NDUFB8: variants seen among roughly 807,000 people sequenced by gnomAD.
The protein encoded by NDUFB8 is NADH:ubiquinone oxidoreductase subunit B8.
NDUFB8 carries 17 observed loss-of-function variants against 26.0 expected under a neutral mutation model. The ratio of observed to expected loss-of-function variants is 0.65; its 90% confidence interval spans 0.45 to 0.98. The LOEUF (loss-of-function observed/expected upper bound fraction) is 0.98, where lower values mean the gene tolerates loss of function less well. Ranked by LOEUF, NDUFB8 falls within the 50% of genes least tolerant of loss-of-function variation. The pLI, the probability that NDUFB8 is intolerant of heterozygous loss-of-function variation, is 0.00. For missense variants in NDUFB8, 238 were observed against 255.0 expected, an observed-to-expected ratio of 0.93 and a Z score of 0.45; for synonymous variants, 89 against 93.1, an observed-to-expected ratio of 0.96 and a Z score of 0.25.
In NDUFB8 at chr10:100,529,465, T is replaced by C. The variant is rs1029277811; in HGVS notation, c.127A>G (p.Arg43Gly). The change falls in exon 2 of 5, where the codon AGG (arginine) becomes GGG (glycine). Residue 43 changes from arginine (R) to glycine (G), a missense_variant. By Grantham distance (125) the Arg-to-Gly change is moderately radical. Coordinates refer to ENST00000299166, the MANE Select transcript of NDUFB8 (RefSeq NM_005004.4). ...GCGGCGGCCCGTTCTTCTGGGGTCCTAGGATAGGGCCCCGGGAACATGTCC... is the reference window on the plus strand; with the variant it reads ...GCGGCGGCCCGTTCTTCTGGGGTCCCAGGATAGGGCCCCGGGAACATGTCC... ...TKDMFPGPYPRTPEERAAAAK... is the reference protein window; with the variant it reads ...TKDMFPGPYPGTPEERAAAAK... 4 of 1,613,108 alleles carry C rather than the reference T, an allele frequency of 2.5e-6. No homozygotes were observed. The highest frequency in any genetic ancestry group is 3.4e-6 in the Non-Finnish European group (4 of 1,179,698).
intron 2 of NDUFB8, 103 bp downstream of exon 2, chr10:100,529,277 G>T: frequency 1.8e-6 from 2 of 1,107,144 alleles, no homozygotes; most frequent in Non-Finnish European, 2.3e-6. Flanking sequence ...TGACTCTGAG[G>T]GGTCACGAGA....
intron 2 of NDUFB8, 24 bp from the exon 3 acceptor site, chr10:100,527,098 G>A (rs750057709): frequency 1.3e-6 from 2 of 1,598,934 alleles, no homozygotes; most frequent in African/African-American, 2.7e-5. Flanking sequence ...AGAACTTCTG[G>A]AAAGGGCTGT....
chr10:100,528,818 T>C (rs1032173603), intron 2 of NDUFB8, among the ~76,000 whole-genome samples: 4 of 152,200 alleles, frequency 2.6e-5, no homozygotes, highest in Non-Finnish European at 1.5e-5. Context: ...TGGGATGTTA[T>C]GTGGGTATGG....
At chr10:100,523,984 C>T (rs1417279720) in intron 4 of NDUFB8, 55 bp from the exon 5 acceptor site, 28 of 1,611,676 alleles carry the variant, frequency 1.7e-5, no homozygotes, top group Non-Finnish European at 2.1e-5. Context: ...TACCTGGCTA[C>T]ACCCCACTCT....
In NDUFB8 at chr10:100,524,806, CACTT is replaced by C. The variant is rs1251748168; in HGVS notation, c.469-881_469-878del. Reference sequence around the variant, plus strand: ...CCTAAGAACTCAGCATTCATTATGTCACTTTTCTGTTCGAAAACCCAAAATGGCT... The same window carrying C: ...CCTAAGAACTCAGCATTCATTATGTCTTCTGTTCGAAAACCCAAAATGGCT... On this transcript the variant is annotated intron_variant, in intron 4 of 4. Coordinates refer to ENST00000299166, the MANE Select transcript of NDUFB8 (RefSeq NM_005004.4). The surrounding 1 kb of genome is among the most constrained non-coding windows in gnomAD (Gnocchi z 4.0). Among the ~76,000 whole-genome samples, 1 of 152,216 alleles carries C rather than the reference CACTT, an allele frequency of 6.6e-6. No homozygotes were observed. Among genetic ancestry groups the C allele is most frequent in the Non-Finnish European group, 1.5e-5 (1 of 68,038 alleles).
chr10:100,526,158 A>G, intron 4 of NDUFB8: 1 of 382,372 alleles, frequency 2.6e-6, no homozygotes, highest in Non-Finnish European at 4.6e-6. Flanking sequence ...GTTTCCACAC[A>G]CTCATTGCTC....
chr10:100,529,714 C>G, intron 1 of NDUFB8, 53 bp downstream of exon 1: 1 of 1,585,570 alleles, frequency 6.3e-7, no homozygotes, highest in Non-Finnish European at 8.6e-7. Context: ...TCCCGATACA[C>G]CAAATTTCAG....
At position 100,526,458 on chromosome 10, in the gene NDUFB8, G is replaced by A. The variant is rs777327930; in HGVS notation, c.409C>T (p.Leu137=). 6.2e-7 allele frequency: 1 copy of A among 1,612,480 alleles called. No individual in the cohort carries two copies. The highest frequency in any genetic ancestry group is 2.2e-5 in the East Asian group (1 of 44,786). ...HVMCMQLFGF[L]AFMIFMCWVG... Reference sequence around the variant, plus strand: ...CAGCACATGAATATCATGAAAGCCAGGAAACCGAAGAGCTGCATACACATG... The same window carrying A: ...CAGCACATGAATATCATGAAAGCCAAGAAACCGAAGAGCTGCATACACATG... The change falls in exon 4 of 5, where the codon CTG becomes TTG. Residue 137 remains leucine (L), a synonymous_variant. Coordinates refer to ENST00000299166, the MANE Select transcript of NDUFB8 (RefSeq NM_005004.4).
chr10:100,527,767 G>A (rs1053274868), intron 2 of NDUFB8, among the ~76,000 whole-genome samples: 1 of 152,170 alleles, frequency 6.6e-6, no homozygotes, highest in Non-Finnish European at 1.5e-5. Context: ...CATACACGAA[G>A]GGGGTCCCAT....
Position 100,529,420 on chromosome 10 carries a change from G to C in NDUFB8, c.172C>G (p.Arg58Gly), listed in dbSNP as rs1277930360. The C allele has an allele frequency of 6.2e-7, 1 of 1,612,444 alleles. No homozygotes were observed. The highest frequency in any genetic ancestry group is 8.5e-7 in the Non-Finnish European group (1 of 1,179,422). ...RAAAAKKYNM[R>G]VEDYEPYPDD... ...GGGTAAGGTTCGTAGTCTTCCACAC[G>C]CATATTATACTTCTTGGCGGCGGCG... Residue 58 changes from arginine to glycine, a missense_variant, in exon 2 of 5, where the codon CGT becomes GGT. Coordinates refer to ENST00000299166, the MANE Select transcript of NDUFB8 (RefSeq NM_005004.4).
chr10:100,524,317 A>G lies in NDUFB8; in HGVS notation c.469-388T>C, dbSNP rs1852009056. ...CTCTCTCGGGGTCGAGACAGACTCA[A>G]TCTCCTTTAAGTCACTCAGCCTCTA... On this transcript the variant is annotated intron_variant, in intron 4 of 4. Transcript: ENST00000299166. This position sits in a 1 kb window ranked among gnomAD's most constrained non-coding sequence, Gnocchi z 4.0. 6.6e-6 allele frequency among the ~76,000 whole-genome samples: 1 copy of G among 152,104 alleles called. No homozygotes were observed. The highest frequency in any genetic ancestry group is 1.5e-5 in the Non-Finnish European group (1 of 68,024).
At position 100,527,014 on chromosome 10, in the gene NDUFB8, G is replaced by C. The variant is rs563427442; in HGVS notation, c.273C>G (p.Ser91Arg). 6.2e-7 allele frequency: 1 copy of C among 1,614,170 alleles called. No individual in the cohort carries two copies. Among genetic ancestry groups the C allele is most frequent in the African/African-American group, 1.3e-5 (1 of 75,048 alleles). The change falls in exon 3 of 5, where the codon AGC becomes AGG. Residue 91 changes from serine to arginine, a missense_variant. Transcript: ENST00000299166. ...RSQHERDPWY[S>R]WDQPGLRLNW... The stretch of plus-strand genomic sequence containing the variant: ...TCAACCTCAGGCCCGGCTGGTCCCA[G>C]CTATACCATGGATCTCTCTCATGCT...
At chr10:100,525,765 T>TGTGTGTGTGTGTG (rs1184826133) in intron 4 of NDUFB8, among the ~76,000 whole-genome samples, 10 of 134,832 alleles carry the variant, frequency 7.4e-5, no homozygotes, top group Middle Eastern at 3.6e-3. Flanking sequence ...TGTGTGTGTG[T>TGTGTGTGTGTGTG]TAGCATCTAG....
Position 100,529,366 on chromosome 10 carries a change from C to T in NDUFB8, c.212+14G>A, listed in dbSNP as rs1451636599. 1.8e-5 allele frequency: 28 copies of T among 1,586,742 alleles called. No homozygotes were observed. The highest frequency in any genetic ancestry group is 2.2e-5 in the Non-Finnish European group (26 of 1,169,128). On this transcript the variant is annotated intron_variant, in intron 2 of 4. Transcript: ENST00000299166. The stretch of plus-strand genomic sequence containing the variant: ...CATCACTACTTGGGTGCGAGCATAC[C>T]CTCTCTGTCTCACCCCATGCCATCA...
rs750400047 is a variant in NDUFB8, at chr10:100,523,914, G to C, written c.484C>G (p.Pro162Ala). ...CGTTCCAGGTACAGATTATTGTAAG[G>C]ATACTGCTTTGGTCCCTACAGAAAA... ...VYQPVGPKQYPYNNLYLERGG... is the reference protein window; with the variant it reads ...VYQPVGPKQYAYNNLYLERGG... Residue 162 changes from proline (P) to alanine (A), a missense_variant, in exon 5 of 5, where the codon CCT becomes GCT. Transcript: ENST00000299166. 3.1e-6 allele frequency: 5 copies of C among 1,614,136 alleles called. No homozygotes were observed. The highest frequency in any genetic ancestry group is 4.2e-6 in the Non-Finnish European group (5 of 1,180,036).
intron 3 of NDUFB8, 200 bp from the exon 4 acceptor site, chr10:100,526,754 G>T: frequency 1.3e-6 from 1 of 746,442 alleles, no homozygotes; most frequent in Non-Finnish European, 2.2e-6. Context: ...AATAGGGACA[G>T]CTCCATCATG....
At position 100,529,763 on chromosome 10, in the gene NDUFB8, G is replaced by A. The variant is rs1196596884; in HGVS notation, c.85+4C>T. Reference sequence around the variant, plus strand: ...ACACTGAGGTCTCGCCCGTTCTCGCGGACCTGTCCGTGCGCCCAGCGGCAT... The same window carrying A: ...ACACTGAGGTCTCGCCCGTTCTCGCAGACCTGTCCGTGCGCCCAGCGGCAT... On this transcript the variant is annotated splice_donor_region_variant and intron_variant, in intron 1 of 4. Transcript: ENST00000299166. 3 of 1,612,774 alleles carry A rather than the reference G, an allele frequency of 1.9e-6. No individual in the cohort carries two copies. The highest frequency in any genetic ancestry group is 2.5e-6 in the Non-Finnish European group (3 of 1,179,678).
Position 100,523,938 on chromosome 10 carries a change from A to G in NDUFB8, c.469-9T>C. On this transcript the variant is annotated splice_polypyrimidine_tract_variant and intron_variant, in intron 4 of 4. Transcript: ENST00000299166. The stretch of plus-strand genomic sequence containing the variant: ...GGATACTGCTTTGGTCCCTACAGAA[A>G]AAAACACAGGTCAGCAAGAACATAC... 1.2e-6 allele frequency: 2 copies of G among 1,614,162 alleles called. No homozygotes were observed. Among genetic ancestry groups the G allele is most frequent in the Middle Eastern group, 1.6e-4 (1 of 6,062 alleles).
chr10:100,529,185 G>A, intron 2 of NDUFB8, 195 bp downstream of exon 2: 1 of 433,148 alleles, frequency 2.3e-6, no homozygotes, highest in Non-Finnish European at 4.0e-6. Flanking sequence ...CTGAGCCAAG[G>A]AGAAAATTGA....
Sources: gnomAD v4.1 joint callset for allele counts (sites outside exome capture counted in the v4.1 genomes callset) on GRCh38, gnomAD v4.1.1 for gene constraint, Gnocchi (gnomAD v3.1) non-coding constraint, MANE v1.5 for transcripts, NCBI Gene and HGNC (gene_info 2026-07-23, HGNC 2026-07-21) for gene names.